The following PRR19 variants were observed in gnomAD, a reference collection of about 807,000 sequenced individuals.
PRR19 encodes the protein proline rich 19.
A neutral mutation model predicts 19.2 loss-of-function variants in PRR19; 9 were observed. The ratio of observed to expected loss-of-function variants is 0.47; its 90% CI spans 0.28 to 0.82. The LOEUF is 0.82. Among genes scored for constraint, PRR19 ranks in the 40% least tolerant of loss-of-function variants. The probability of loss-of-function intolerance (pLI) is 0.11; values close to 1 mark genes in which losing one functional copy is unlikely to be tolerated. For missense variants in PRR19, 457 were observed against 466.0 expected (o/e 0.98, Z 0.18); for synonymous variants, 190 against 191.0 (o/e 0.99, Z 0.04).
In PRR19 at chr19:42,310,227, G is replaced by A. The variant is rs200342465; in HGVS notation, c.601+42G>A. 2.2e-5 allele frequency: 35 copies of A among 1,613,860 alleles called. No individual in the cohort carries two copies. The East Asian group carries it at 4.9e-4, about 23-fold the overall frequency. ...CCCCTGTACTCCCCTTTCCTTTGTC[G>A]GCTCTAGCTCAGCTAGCCTCTATGC... On this transcript the variant is annotated intron_variant, in intron 2 of 2. Transcript: ENST00000341747.
chr19:42,303,546 C>G (rs2038673045), intron 1 of PRR19: 1 of 152,252 alleles, frequency 6.6e-6, no homozygotes, highest in Non-Finnish European at 1.5e-5. Context: ...TGGTCATGTT[C>G]TTGTAGCCTC....
Position 42,310,809 on chromosome 19 carries a change from A to T in PRR19, c.*69A>T, listed in dbSNP as rs187381929. ...CAGTGACCTCAATAAAGTACTTTTC[A>T]TGGTCCTCTTGATTTTCAGTGAGTT... On this transcript the variant is annotated 3_prime_UTR_variant, in exon 3 of 3. Transcript: ENST00000341747. 4.4e-5 allele frequency: 47 copies of T among 1,078,118 alleles called. No individual in the cohort carries two copies. The South Asian group carries it at 4.5e-4, about 10-fold the overall frequency. The allele number at this position is 1,078,118 out of a possible 1,614,324, so 66.8% of individuals were successfully genotyped here.
In PRR19 at chr19:42,309,749, C is replaced by G; in HGVS notation, c.165C>G (p.Val55=). ...TGGCCATTCGGGATCCACCTGTGGT[C>G]CCTACTGCCTCCAAGCTCGTGGTCA... ...PPVAIRDPPV[V]PTASKLVVIT... The change falls in exon 2 of 3, where the codon GTC becomes GTG. Residue 55 remains valine, a synonymous_variant. Transcript: ENST00000341747. The G allele has an allele frequency of 1.9e-6, 3 of 1,609,070 alleles. No homozygotes were observed. Among genetic ancestry groups the G allele is most frequent in the Non-Finnish European group, 2.6e-6 (3 of 1,176,342 alleles).
chr19:42,304,111 A>G lies in PRR19; in HGVS notation c.-7+1608A>G, dbSNP rs548452115. 3.4e-5 allele frequency among the ~76,000 whole-genome samples: 5 copies of G among 145,118 alleles called. No homozygotes were observed. The East Asian group carries it at 9.8e-4, about 29-fold the overall frequency. Reference sequence around the variant, plus strand: ...TGGCGAAACCACGTGTCTACTAAATATACAAAAAAAAAAAAAAAATTAGCT... The same window carrying G: ...TGGCGAAACCACGTGTCTACTAAATGTACAAAAAAAAAAAAAAAATTAGCT... On this transcript the variant is annotated intron_variant, in intron 1 of 2. Coordinates refer to ENST00000341747, the MANE Select transcript of PRR19 (RefSeq NM_199285.3).
intron 1 of PRR19, chr19:42,307,179 C>T (rs1183727329): frequency 6.6e-6 from 1 of 152,422 alleles, no homozygotes; most frequent in Non-Finnish European, 1.5e-5. Flanking sequence ...TACCCTAGGC[C>T]CTTCCTTTGT....
At chr19:42,302,726 A>G (rs1278189230) in intron 1 of PRR19, 2 of 199,898 alleles carry the variant, frequency 1.0e-5, no homozygotes, top group African/African-American at 4.8e-5. Flanking sequence ...GGCGGGGAAA[A>G]TCTAGCCCTC....
At chr19:42,308,504 T>C (rs2038741977) in intron 1 of PRR19, among the ~76,000 whole-genome samples, 1 of 151,482 alleles carries the variant, frequency 6.6e-6, no homozygotes, top group South Asian at 2.1e-4. Context: ...GTTCAAGCGA[T>C]TCTCCTGCCT....
chr19:42,302,959 A>G (rs2038663354), intron 1 of PRR19, among the ~76,000 whole-genome samples: 1 of 151,834 alleles, frequency 6.6e-6, no homozygotes, highest in Non-Finnish European at 1.5e-5. Context: ...GGAAGATGAC[A>G]AAATGTGAAA....
At chr19:42,307,424 TTTGTTGTTGTTG>T (rs139388795) in intron 1 of PRR19, among the ~76,000 whole-genome samples, 4 of 150,948 alleles carry the variant, frequency 2.6e-5, no homozygotes, top group South Asian at 4.2e-4. Flanking sequence ...CCCTCCATCT[TTTGTTGTTGTTG>T]TTGTTGTTGT....
At chr19:42,304,085 A>G (rs1230427554) in intron 1 of PRR19, among the ~76,000 whole-genome samples, 2 of 150,162 alleles carry the variant, frequency 1.3e-5, no homozygotes, top group East Asian at 3.9e-4. Context: ...CCTGGCCAAC[A>G]TGGCGAAACC....
Position 42,310,314 on chromosome 19 carries a change from G to A in PRR19, c.645G>A (p.Trp215Ter), listed in dbSNP as rs1216344387. The change falls in exon 3 of 3, where the codon TGG (tryptophan) becomes TGA (stop). Residue 215 changes from tryptophan (W) to a stop codon, truncating the protein, a stop_gained. Coordinates refer to ENST00000341747, the MANE Select transcript of PRR19 (RefSeq NM_199285.3). LOFTEE classifies it low-confidence loss of function (END_TRUNC). ...CTGAGAGAAAGATGACACCCTTCTG[G>A]ATTAATAGCCCTGATCAAGTCCCAG... ...GVSERKMTPFWINSPDQVPEQ... is the reference protein window; with the variant it reads ...GVSERKMTPF The A allele has an allele frequency of 6.2e-7, 1 of 1,613,998 alleles. No homozygotes were observed. Among genetic ancestry groups the A allele is most frequent in the Non-Finnish European group, 8.5e-7 (1 of 1,180,014 alleles).
chr19:42,304,190 A>G (rs2038681364), intron 1 of PRR19, among the ~76,000 whole-genome samples: 1 of 151,798 alleles, frequency 6.6e-6, no homozygotes. Context: ...CTGAGGCAGG[A>G]CAATTGCTTG....
In PRR19 at chr19:42,302,491, C is replaced by A; in HGVS notation, c.-19C>A. The A allele has an allele frequency of 1.7e-6, 1 of 584,996 alleles. No individual in the cohort carries two copies. The highest frequency in any genetic ancestry group is 2.9e-5 in the East Asian group (1 of 34,284). The allele number at this position is 584,996 out of a possible 1,614,324, so 36.2% of individuals were successfully genotyped here. ...CCGCCTCCTCTCCAGGGACGGAAGC[C>A]TTCACTTAGGAGGTAGGTGGAATCA... On this transcript the variant is annotated 5_prime_UTR_variant, in exon 1 of 3. Coordinates refer to ENST00000341747, the MANE Select transcript of PRR19 (RefSeq NM_199285.3).
chr19:42,310,303 A>T lies in PRR19; in HGVS notation c.634A>T (p.Thr212Ser). The T allele has an allele frequency of 6.2e-7, 1 of 1,614,130 alleles. No homozygotes were observed. The highest frequency in any genetic ancestry group is 8.5e-7 in the Non-Finnish European group (1 of 1,180,004). The change falls in exon 3 of 3, where the codon ACA becomes TCA. Residue 212 changes from threonine (T) to serine (S), a missense_variant. Coordinates refer to ENST00000341747, the MANE Select transcript of PRR19 (RefSeq NM_199285.3). ...GCCTGGGGTCTCTGAGAGAAAGATG[A>T]CACCCTTCTGGATTAATAGCCCTGA... ...AKPGVSERKM[T>S]PFWINSPDQV... is the part of the protein sequence containing the mutation.
At position 42,310,371 on chromosome 19, in the gene PRR19, A is replaced by G; in HGVS notation, c.702A>G (p.Thr234=). Residue 234 remains threonine (T), a synonymous_variant, in exon 3 of 3, where the codon ACA becomes ACG. Coordinates refer to ENST00000341747, the MANE Select transcript of PRR19 (RefSeq NM_199285.3). ...AGAGGCAAAGGAAGCAACAAGGGAC[A>G]AAGGAGTTCACCTTCCCCATGCCCT... The part of the protein sequence containing the change: ...EQERQRKQQG[T]KEFTFPMPYT... 1 of 1,614,134 alleles carries G rather than the reference A, an allele frequency of 6.2e-7. No homozygotes were observed. The highest frequency in any genetic ancestry group is 8.5e-7 in the Non-Finnish European group (1 of 1,179,994).
intron 1 of PRR19, among the ~76,000 whole-genome samples, chr19:42,304,768 A>C (rs1053206496): frequency 1.3e-5 from 2 of 150,164 alleles, no homozygotes; most frequent in South Asian, 4.2e-4. Context: ...AAAAAAAAAA[A>C]AAAAGGGCAA....
intron 1 of PRR19, chr19:42,309,300 C>G (rs1033734017): frequency 8.2e-6 from 2 of 242,956 alleles, no homozygotes; most frequent in African/African-American, 4.5e-5. Context: ...TCTCGAACTC[C>G]TGACCTCAGG....
chr19:42,310,760 C>G lies in PRR19; in HGVS notation c.*20C>G, dbSNP rs760777071. The G allele has an allele frequency of 2.0e-6, 3 of 1,470,192 alleles. No homozygotes were observed. Among genetic ancestry groups the G allele is most frequent in the Non-Finnish European group, 2.8e-6 (3 of 1,090,836 alleles). 91.1% of individuals were successfully genotyped at this position (1,470,192 alleles called of 1,614,324 possible). ...TACTGAGGAGAGGCTGAGGCTAGGG[C>G]TGGGGACAGATATCTTGTACTCCCA... On this transcript the variant is annotated 3_prime_UTR_variant, in exon 3 of 3. Coordinates refer to ENST00000341747, the MANE Select transcript of PRR19 (RefSeq NM_199285.3).
chr19:42,307,676 C>T (rs1168174492), intron 1 of PRR19, among the ~76,000 whole-genome samples: 1 of 150,008 alleles, frequency 6.7e-6, no homozygotes, highest in African/African-American at 2.4e-5. Context: ...CTCAAATGAT[C>T]TACCCACCTC....
Sources: allele counts gnomAD v4.1 joint callset (sites outside exome capture counted in the v4.1 genomes callset), GRCh38; gene constraint gnomAD v4.1.1; transcripts MANE v1.5; gene names NCBI Gene and HGNC (gene_info 2026-07-23, HGNC 2026-07-21).